NRF1: variants seen among roughly 807,000 people sequenced by gnomAD.
The protein encoded by NRF1 is alpha palindromic-binding protein.
Under a neutral mutation model 58.5 loss-of-function variants are expected in NRF1, and 5 were observed. The observed-to-expected ratio is 0.09, with a 90% CI of 0.04 to 0.18. The LOEUF (loss-of-function observed/expected upper bound fraction) is 0.18, where lower values mean the gene tolerates loss of function less well. Among genes scored for constraint, NRF1 ranks in the 10% least tolerant of loss-of-function variants. The pLI is 1.00. For synonymous variants in NRF1, 224 were observed against 246.7 expected, an observed-to-expected ratio of 0.91 and a Z score of 0.86; for missense variants, 288 against 657.7, an observed-to-expected ratio of 0.44 and a Z score of 6.15.
chr7:129,716,673 C>A (rs1258130750), intron 8 of NRF1, among the ~76,000 whole-genome samples: 2 of 151,934 alleles, frequency 1.3e-5, no homozygotes, highest in African/African-American at 4.8e-5. Flanking sequence ...GAGTTTGAGA[C>A]CAGCCTGGCC....
chr7:129,616,598 TAAA>T, intron 1 of NRF1, among the ~76,000 whole-genome samples: 1 of 152,108 alleles, frequency 6.6e-6, no homozygotes, highest in Non-Finnish European at 1.5e-5. Flanking sequence ...CCGTGTTTCT[TAAA>T]AAAAACTAGT....
intron 3 of NRF1, among the ~76,000 whole-genome samples, chr7:129,671,992 A>G (rs1452533313): frequency 2.6e-5 from 4 of 152,100 alleles, no homozygotes; most frequent in Admixed American, 1.3e-4. Flanking sequence ...ATGGTCTGGG[A>G]AATCCTTTTT....
intron 5 of NRF1, 84 bp downstream of exon 5, chr7:129,690,630 C>A (rs1802544889): frequency 7.0e-7 from 1 of 1,434,702 alleles, no homozygotes; most frequent in Non-Finnish European, 9.7e-7. Context: ...TGCATTTTGT[C>A]CTCAGTGATC....
At chr7:129,673,586 G>A (rs796799297) in intron 3 of NRF1, among the ~76,000 whole-genome samples, 19 of 151,674 alleles carry the variant, frequency 1.3e-4, no homozygotes, top group African/African-American at 3.9e-4. Context: ...GCGCAGTGGC[G>A]GGCGCCTGTA....
chr7:129,668,231 G>T (rs944397747), intron 2 of NRF1, among the ~76,000 whole-genome samples: 1 of 152,030 alleles, frequency 6.6e-6, no homozygotes, highest in African/African-American at 2.4e-5. Flanking sequence ...TATGAAATCT[G>T]CAATTCAGTT....
chr7:129,701,654 A>G (rs1428331056), intron 5 of NRF1, among the ~76,000 whole-genome samples: 4 of 152,018 alleles, frequency 2.6e-5, no homozygotes, highest in Non-Finnish European at 5.9e-5. Context: ...GTGGAAGAGG[A>G]TGAATGGGTA....
chr7:129,745,959 CAG>C (rs1442685181), intron 10 of NRF1, among the ~76,000 whole-genome samples: 1 of 152,204 alleles, frequency 6.6e-6, no homozygotes. Context: ...CTGTCTCAAC[CAG>C]AGTCACTCCT....
intron 4 of NRF1, among the ~76,000 whole-genome samples, chr7:129,679,891 C>G (rs1303278420): frequency 6.6e-6 from 1 of 151,846 alleles, no homozygotes; most frequent in Non-Finnish European, 1.5e-5. Context: ...AACCCCATCT[C>G]TACTAAAAAT....
intron 1 of NRF1, among the ~76,000 whole-genome samples, chr7:129,619,396 GTATA>G (rs749333673): frequency 0.17 from 7,955 of 47,152 alleles, 549 homozygotes; most frequent in South Asian, 0.21. Context: ...TGGCATACGT[GTATA>G]TATATATATA....
At chr7:129,698,225 A>C (rs1802744062) in intron 5 of NRF1, among the ~76,000 whole-genome samples, 1 of 150,966 alleles carries the variant, frequency 6.6e-6, no homozygotes, top group African/African-American at 2.4e-5. Flanking sequence ...TTTATTAGTA[A>C]ATAGGATGTT....
intron 1 of NRF1, among the ~76,000 whole-genome samples, chr7:129,643,851 G>T (rs1170262866): frequency 1.3e-5 from 2 of 152,192 alleles, no homozygotes; most frequent in Non-Finnish European, 2.9e-5. Context: ...AGACTAAATG[G>T]CAGTGTAAAG....
At chr7:129,616,087 A>C (rs1800653964) in intron 1 of NRF1, among the ~76,000 whole-genome samples, 1 of 152,196 alleles carries the variant, frequency 6.6e-6, no homozygotes, top group South Asian at 2.1e-4. Context: ...TATTTTTTCA[A>C]AAGTGCACTT....
chr7:129,627,260 G>A (rs1800939666), intron 1 of NRF1, among the ~76,000 whole-genome samples: 1 of 152,142 alleles, frequency 6.6e-6, no homozygotes, highest in Non-Finnish European at 1.5e-5. Context: ...GCTCAGGCTG[G>A]AGTGTAGTTA....
chr7:129,726,040 A>T (rs1803446373), intron 9 of NRF1, among the ~76,000 whole-genome samples: 1 of 152,134 alleles, frequency 6.6e-6, no homozygotes, highest in African/African-American at 2.4e-5. Flanking sequence ...CTGTCCCCTT[A>T]CCCACCTCCA....
chr7:129,639,748 A>G (rs563694673), intron 1 of NRF1, among the ~76,000 whole-genome samples: 31 of 152,178 alleles, frequency 2.0e-4, no homozygotes, highest in African/African-American at 7.5e-4. Context: ...GGGTTTCACC[A>G]TGCTGGCCAG....
Position 129,693,654 on chromosome 7 carries a change from C to T in NRF1, c.606+3108C>T, listed in dbSNP as rs192802017. Among the ~76,000 whole-genome samples, 209 of 152,198 alleles carry T rather than the reference C, an allele frequency of 1.4e-3. 1 individual carries two copies. The highest frequency in any genetic ancestry group is 4.7e-3 in the African/African-American group (197 of 41,508). ...AGGGAAGCCAAAAGATTGGACACCC[C>T]GATCTAAACTTTTCTTTACTGTCTT... On this transcript the variant is annotated intron_variant, in intron 5 of 10. Transcript: ENST00000393232.
intron 5 of NRF1, among the ~76,000 whole-genome samples, chr7:129,701,112 T>C (rs1157178241): frequency 6.6e-6 from 1 of 152,160 alleles, no homozygotes; most frequent in Non-Finnish European, 1.5e-5. Context: ...ATATGACAAT[T>C]AATATCCAGA....
chr7:129,619,459 C>CAA (rs1554401510), intron 1 of NRF1, among the ~76,000 whole-genome samples: 1 of 61,164 alleles, frequency 1.6e-5, no homozygotes, highest in Admixed American at 1.7e-4. Flanking sequence ...TATATATACA[C>CAA]GTGTGTGTGT....
At chr7:129,647,739 C>T (rs1166382973) in intron 1 of NRF1, among the ~76,000 whole-genome samples, 1 of 152,184 alleles carries the variant, frequency 6.6e-6, no homozygotes. Flanking sequence ...TCATTGTTAA[C>T]TGGATTATCG....
Sources: gnomAD v4.1 joint callset for allele counts (sites outside exome capture counted in the v4.1 genomes callset) on GRCh38, gnomAD v4.1.1 for gene constraint, MANE v1.5 for transcripts, NCBI Gene and HGNC (gene_info 2026-07-23, HGNC 2026-07-21) for gene names.